PHF20: variants seen among roughly 807,000 people sequenced by gnomAD.
PHF20 encodes PHD finger protein 20.
Under a neutral mutation model 113.5 loss-of-function variants are expected in PHF20, and 23 were observed. The observed-to-expected ratio is 0.20, with a 90% CI of 0.15 to 0.29. The LOEUF (loss-of-function observed/expected upper bound fraction) is 0.29. Among genes scored for constraint, PHF20 ranks in the 10% least tolerant of loss-of-function variants. The probability of loss-of-function intolerance (pLI) is 1.00; values close to 1 mark genes in which losing one functional copy is unlikely to be tolerated. For synonymous variants in PHF20, 434 were observed against 457.3 expected (o/e 0.95, Z 0.65); for missense variants, 943 against 1,219.6 (o/e 0.77, Z 3.38).
intron 4 of PHF20, chr20:35,849,633 A>G: frequency 2.5e-6 from 1 of 407,876 alleles, no homozygotes; most frequent in South Asian, 1.9e-5. Context: ...TACTTGTGGG[A>G]TTGGGAGCGA....
intron 2 of PHF20, among the ~76,000 whole-genome samples, chr20:35,833,966 G>A (rs935781680): frequency 6.6e-6 from 1 of 151,996 alleles, no homozygotes; most frequent in African/African-American, 2.4e-5. Context: ...GCTGAGGCAG[G>A]GGAATTGCTT....
intron 9 of PHF20, among the ~76,000 whole-genome samples, chr20:35,886,604 G>A (rs2054738566): frequency 6.6e-6 from 1 of 152,196 alleles, no homozygotes; most frequent in Non-Finnish European, 1.5e-5. Context: ...TTGGTCCTGA[G>A]GGAACACATG....
chr20:35,931,206 T>TC, intron 14 of PHF20, 43 bp from the exon 15 acceptor site: 2 of 1,423,832 alleles, frequency 1.4e-6, no homozygotes, highest in Non-Finnish European at 2.0e-6. Flanking sequence ...GGCCTGGGTT[T>TC]CCTTCAGGCC....
chr20:35,918,125 T>A (rs2055441495), intron 13 of PHF20, among the ~76,000 whole-genome samples: 1 of 152,170 alleles, frequency 6.6e-6, no homozygotes, highest in African/African-American at 2.4e-5. Flanking sequence ...GTCTGTCATC[T>A]TCATCTCTGA....
At chr20:35,867,486 C>T (rs377258397) in intron 6 of PHF20, among the ~76,000 whole-genome samples, 2 of 152,166 alleles carry the variant, frequency 1.3e-5, no homozygotes, top group African/African-American at 4.8e-5. Context: ...GTCTTGAACT[C>T]CTGAGCTCAA....
chr20:35,896,591 A>G (rs1266134433), intron 9 of PHF20, among the ~76,000 whole-genome samples: 1 of 151,656 alleles, frequency 6.6e-6, no homozygotes, highest in Non-Finnish European at 1.5e-5. Context: ...CAGGCGGATC[A>G]CTTGAAGTCA....
Position 35,939,298 on chromosome 20 carries a change from T to C in PHF20, c.2712+190T>C, listed in dbSNP as rs142884953. Among the ~76,000 whole-genome samples the C allele has an allele frequency of 5.2e-3, 787 of 152,232 alleles. 9 individuals are homozygous for C. The highest frequency in any genetic ancestry group is 0.018 in the African/African-American group (754 of 41,522). On this transcript the variant is annotated intron_variant, in intron 16 of 17. Coordinates refer to ENST00000374012, the MANE Select transcript of PHF20 (RefSeq NM_016436.5). ...GCCCACTTAAGCCAAAGATCCTTGG[T>C]TCCAGGAAGCACCCACAAAATGGCA... is the stretch of plus-strand genomic sequence containing the variant.
At chr20:35,937,611 A>C (rs775342892) in intron 15 of PHF20, among the ~76,000 whole-genome samples, 1 of 152,204 alleles carries the variant, frequency 6.6e-6, no homozygotes, top group Non-Finnish European at 1.5e-5. Flanking sequence ...ATCAGACCTA[A>C]AAAGGTGCCA....
At chr20:35,875,877 C>T (rs915879013) in intron 9 of PHF20, among the ~76,000 whole-genome samples, 2 of 152,168 alleles carry the variant, frequency 1.3e-5, no homozygotes, top group East Asian at 1.9e-4. Context: ...GTAAAGTTTA[C>T]GTATTTTATG....
intron 10 of PHF20, among the ~76,000 whole-genome samples, chr20:35,903,077 CTTTTTT>C (rs376888832): frequency 2.5e-4 from 15 of 60,006 alleles, no homozygotes; most frequent in African/African-American, 9.4e-4. Context: ...CCTATCCTTT[CTTTTTT>C]TTTTTTTTTT....
chr20:35,818,926 T>TTTTTG (rs111250703), intron 2 of PHF20, among the ~76,000 whole-genome samples: 10,121 of 151,642 alleles, frequency 0.067, 445 homozygotes, highest in African/African-American at 0.12. Flanking sequence ...GCCTTCCCTG[T>TTTTTG]TTTTGTTTTG....
intron 17 of PHF20, among the ~76,000 whole-genome samples, chr20:35,943,276 T>C (rs1009186245): frequency 2.0e-5 from 3 of 151,710 alleles, no homozygotes; most frequent in Non-Finnish European, 4.4e-5. Context: ...GAGGCGGAGG[T>C]TGCAGTGAGC....
At chr20:35,892,224 A>ATTTTTTTTTT (rs780490898) in intron 9 of PHF20, among the ~76,000 whole-genome samples, 312 of 102,482 alleles carry the variant, frequency 3.0e-3, no homozygotes, top group Middle Eastern at 0.015. Flanking sequence ...CGCCTGGCTG[A>ATTTTTTTTTT]TTTTTTTTTT....
intron 1 of PHF20, among the ~76,000 whole-genome samples, chr20:35,781,056 T>C (rs961023272): frequency 2.6e-5 from 4 of 151,798 alleles, no homozygotes; most frequent in African/African-American, 9.7e-5. Flanking sequence ...TTTTACCATG[T>C]TGGTCAGTCT....
intron 2 of PHF20, among the ~76,000 whole-genome samples, chr20:35,825,522 G>C (rs983691452): frequency 5.3e-5 from 8 of 152,266 alleles, no homozygotes; most frequent in Admixed American, 2.6e-4. Flanking sequence ...GCCTCCCAAA[G>C]CACTGGGGTT....
At chr20:35,931,719 G>A (rs959291670) in intron 15 of PHF20, among the ~76,000 whole-genome samples, 6 of 152,086 alleles carry the variant, frequency 3.9e-5, no homozygotes, top group African/African-American at 9.7e-5. Context: ...TTGGGAGGCC[G>A]AGGTAGGCGG....
intron 17 of PHF20, among the ~76,000 whole-genome samples, chr20:35,946,510 ATC>A (rs1330748755): frequency 7.9e-5 from 12 of 152,066 alleles, no homozygotes; most frequent in Non-Finnish European, 1.5e-5. Flanking sequence ...ATGATTGCGT[ATC>A]AATCAGGAAT....
At chr20:35,918,521 C>A (rs1449846632) in intron 13 of PHF20, among the ~76,000 whole-genome samples, 1 of 152,112 alleles carries the variant, frequency 6.6e-6, no homozygotes, top group East Asian at 1.9e-4. Context: ...TTATTTTATT[C>A]CTTGCTTATT....
chr20:35,787,407 G>T (rs916679063), intron 1 of PHF20, among the ~76,000 whole-genome samples: 2 of 150,504 alleles, frequency 1.3e-5, no homozygotes, highest in African/African-American at 4.9e-5. Flanking sequence ...TCTAACTCCC[G>T]ATCTCAGGTG....
Sources: gnomAD v4.1 joint callset for allele counts (sites outside exome capture counted in the v4.1 genomes callset) on GRCh38, gnomAD v4.1.1 for gene constraint, MANE v1.5 for transcripts, NCBI Gene and HGNC (gene_info 2026-07-23, HGNC 2026-07-21) for gene names.